Variants in POLQ observed in about 807,000 individuals in gnomAD.
POLQ encodes the protein epididymis secretory sperm binding protein.
Under a neutral mutation model 259.2 loss-of-function variants are expected in POLQ, and 233 were observed. That is an observed-to-expected ratio of 0.90 (90% CI 0.81 to 1.00). POLQ has a LOEUF of 1.00. Among genes scored for constraint, POLQ ranks in the 50% least tolerant of loss-of-function variants. The probability of loss-of-function intolerance (pLI) is 0.00; values close to 1 mark genes in which losing one functional copy is unlikely to be tolerated. For synonymous variants in POLQ, 1,025 were observed against 1,048.8 expected, an observed-to-expected ratio of 0.98 and a Z score of 0.44; for missense variants, 2,871 against 3,051.6, an observed-to-expected ratio of 0.94 and a Z score of 1.39.
chr3:121,433,128 G>A, intron 28 of POLQ, 95 bp from the exon 29 acceptor site: 2 of 718,518 alleles, frequency 2.8e-6, no homozygotes, highest in Admixed American at 2.1e-5. Context: ...GAATTTTAAT[G>A]AGAAGATTAA....
intron 29 of POLQ, among the ~76,000 whole-genome samples, chr3:121,432,641 G>A (rs2047504345): frequency 6.6e-6 from 1 of 152,210 alleles, no homozygotes; most frequent in Non-Finnish European, 1.5e-5. Flanking sequence ...TTGCTAGAAT[G>A]CTTGGAGCTT....
chr3:121,491,222 A>G (rs1268519624), intron 15 of POLQ, among the ~76,000 whole-genome samples: 1 of 151,796 alleles, frequency 6.6e-6, no homozygotes, highest in Non-Finnish European at 1.5e-5. Flanking sequence ...GTGTGGTGAC[A>G]TGTGCCTGTA....
chr3:121,496,404 T>G (rs2048124978), intron 14 of POLQ, among the ~76,000 whole-genome samples: 2 of 152,104 alleles, frequency 1.3e-5, no homozygotes. Flanking sequence ...CTTGAACTCC[T>G]GACCTCGTGA....
intron 5 of POLQ, 26 bp from the exon 6 acceptor site, chr3:121,533,235 A>G: frequency 7.0e-7 from 1 of 1,425,540 alleles, no homozygotes; most frequent in Non-Finnish European, 9.6e-7. Flanking sequence ...TGAAAAGAAC[A>G]TTAAAAGATA....
At chr3:121,461,314 G>A (rs545657383) in intron 24 of POLQ, among the ~76,000 whole-genome samples, 16 of 152,098 alleles carry the variant, frequency 1.1e-4, no homozygotes, top group Non-Finnish European at 1.9e-4. Context: ...AGTTTAAACT[G>A]GTTTTTGTTT....
intron 4 of POLQ, among the ~76,000 whole-genome samples, chr3:121,538,585 CAA>C (rs34448538): frequency 1.2e-3 from 114 of 96,830 alleles, no homozygotes; most frequent in Middle Eastern, 0.012. Context: ...ATTCATTCAC[CAA>C]AAAAAAAAAA....
chr3:121,507,021 TA>T (rs1218250726), intron 12 of POLQ, among the ~76,000 whole-genome samples: 4 of 151,884 alleles, frequency 2.6e-5, no homozygotes, highest in African/African-American at 9.7e-5. Flanking sequence ...ACCCTCTGTA[TA>T]AAAAAGGTGA....
chr3:121,445,862 CAA>C (rs35509569), intron 26 of POLQ, among the ~76,000 whole-genome samples: 25 of 144,002 alleles, frequency 1.7e-4, no homozygotes, highest in Admixed American at 2.1e-4. Context: ...CACTCCATCT[CAA>C]AAAAAAAAAA....
chr3:121,511,351 T>C (rs180894458), intron 10 of POLQ, among the ~76,000 whole-genome samples: 11 of 152,004 alleles, frequency 7.2e-5, no homozygotes, highest in African/African-American at 2.7e-4. Context: ...TGAGCTGAGA[T>C]TGCACCACTG....
intron 5 of POLQ, among the ~76,000 whole-genome samples, chr3:121,534,029 A>G (rs1178689875): frequency 2.0e-5 from 3 of 147,492 alleles, no homozygotes; most frequent in African/African-American, 7.6e-5. Context: ...GGCGCCCACC[A>G]CCACGCCTGG....
chr3:121,538,103 C>G (rs955111910), intron 4 of POLQ, among the ~76,000 whole-genome samples: 5 of 152,088 alleles, frequency 3.3e-5, no homozygotes, highest in African/African-American at 1.2e-4. Flanking sequence ...TCAAAGACAT[C>G]TATGTCAGTT....
intron 26 of POLQ, among the ~76,000 whole-genome samples, chr3:121,443,061 T>C (rs1428994525): frequency 6.6e-6 from 1 of 152,206 alleles, no homozygotes; most frequent in Admixed American, 6.5e-5. Context: ...TTTCACCATA[T>C]TGGCCAGGCT....
chr3:121,543,264 A>G (rs1282273962), intron 2 of POLQ, among the ~76,000 whole-genome samples: 3 of 152,210 alleles, frequency 2.0e-5, no homozygotes, highest in Non-Finnish European at 4.4e-5. Context: ...CACTGCCACT[A>G]ACTATGACTT....
At position 121,493,663 on chromosome 3, in the gene POLQ, G is replaced by T; in HGVS notation, c.2337C>A (p.Ser779=). 1.2e-6 allele frequency: 2 copies of T among 1,613,956 alleles called. No homozygotes were observed. The highest frequency in any genetic ancestry group is 1.7e-6 in the Non-Finnish European group (2 of 1,179,864). Residue 779 remains serine (S), a synonymous_variant, in exon 15 of 30, where the codon TCC becomes TCA. Coordinates refer to ENST00000264233, the MANE Select transcript of POLQ (RefSeq NM_199420.4). ...CAAACGTAAGACGCTTCTGAAATTG[G>T]GAAAGTAGTAGTTCCATGTTGTGCC... The part of the protein sequence containing the change: ...LGWHNMELLL[S]QFQKRLTFGI...
chr3:121,483,724 A>T, intron 17 of POLQ, 142 bp from the exon 18 acceptor site: 1 of 547,484 alleles, frequency 1.8e-6, no homozygotes, highest in Non-Finnish European at 3.1e-6. Flanking sequence ...GTAATTCAGC[A>T]TCTTATCCAG....
intron 17 of POLQ, among the ~76,000 whole-genome samples, chr3:121,484,316 G>A (rs918950488): frequency 6.6e-6 from 1 of 152,174 alleles, no homozygotes; most frequent in Non-Finnish European, 1.5e-5. Context: ...CTTCTCCAAA[G>A]TTTATATAAT....
At chr3:121,457,636 G>A (rs1413585304) in intron 25 of POLQ, among the ~76,000 whole-genome samples, 1 of 152,170 alleles carries the variant, frequency 6.6e-6, no homozygotes, top group East Asian at 1.9e-4. Context: ...ATGAAAAAAT[G>A]CTCATCATCA....
Position 121,500,240 on chromosome 3 carries a change from C to T in POLQ, c.1960-1570G>A, listed in dbSNP as rs139416081. 7.2e-4 allele frequency among the ~76,000 whole-genome samples: 105 copies of T among 145,752 alleles called. 1 individual carries two copies. The highest frequency in any genetic ancestry group is 1.9e-3 in the African/African-American group (73 of 38,696). On this transcript the variant is annotated intron_variant, in intron 12 of 29. Transcript: ENST00000264233. ...GCTGCAGTGAGCCGTAATTGTGCCA[C>T]TGTACTCTTGTTTGGGCAACAGAGC...
chr3:121,537,533 G>C (rs1194307006), intron 4 of POLQ, among the ~76,000 whole-genome samples: 2 of 152,178 alleles, frequency 1.3e-5, no homozygotes, highest in Admixed American at 1.3e-4. Flanking sequence ...CCACTTACGA[G>C]TGAGAACATG....
Sources: allele counts gnomAD v4.1 joint callset (sites outside exome capture counted in the v4.1 genomes callset), GRCh38; gene constraint gnomAD v4.1.1; transcripts MANE v1.5; gene names NCBI Gene and HGNC (gene_info 2026-07-23, HGNC 2026-07-21).